FOXP2: variants seen among roughly 807,000 people sequenced by gnomAD.
FOXP2 encodes forkhead box protein P2.
FOXP2 carries 12 observed loss-of-function variants against 115.8 expected under a neutral mutation model. The ratio of observed to expected loss-of-function variants is 0.10; its 90% CI spans 0.07 to 0.17. The LOEUF (loss-of-function observed/expected upper bound fraction) is 0.17. FOXP2 is among the 10% of genes least tolerant of loss of function. The pLI is 1.00. For synonymous variants in FOXP2, 328 were observed against 297.7 expected, an observed-to-expected ratio of 1.10 and a Z score of -1.05; for missense variants, 629 against 843.5, an observed-to-expected ratio of 0.75 and a Z score of 3.15.
chr7:114,519,420 G>A (rs983815819), intron 2 of FOXP2, among the ~76,000 whole-genome samples: 2 of 152,120 alleles, frequency 1.3e-5, no homozygotes, highest in Admixed American at 1.3e-4. Flanking sequence ...CCGAAATTGA[G>A]TTTCTGCCAG....
At chr7:114,365,369 G>T (rs747901707) in intron 2 of FOXP2, among the ~76,000 whole-genome samples, 13 of 152,044 alleles carry the variant, frequency 8.6e-5, no homozygotes, top group African/African-American at 1.2e-4. Context: ...GTAGATTATA[G>T]AATGTACACA....
chr7:114,164,407 C>A (rs1397904928), intron 1 of FOXP2, among the ~76,000 whole-genome samples: 1 of 150,388 alleles, frequency 6.6e-6, no homozygotes, highest in Non-Finnish European at 1.5e-5. Context: ...TACAGTGGTG[C>A]GATCTCGGCT....
chr7:114,683,560 C>T (rs536231268), intron 16 of FOXP2, among the ~76,000 whole-genome samples: 1 of 152,082 alleles, frequency 6.6e-6, no homozygotes, highest in South Asian at 2.1e-4. Flanking sequence ...ATCAGAATGA[C>T]CAAAAAATGC....
At chr7:114,589,680 G>C (rs1802346608) in intron 3 of FOXP2, among the ~76,000 whole-genome samples, 1 of 152,134 alleles carries the variant, frequency 6.6e-6, no homozygotes. Flanking sequence ...TGAGGGTGTG[G>C]GAGGAGTAGG....
intron 2 of FOXP2, among the ~76,000 whole-genome samples, chr7:114,388,701 A>G (rs1366676040): frequency 1.3e-5 from 2 of 152,228 alleles, no homozygotes; most frequent in Non-Finnish European, 2.9e-5. Context: ...AATTTCAGCC[A>G]TGGACAATTA....
At chr7:114,202,097 G>A (rs940960283) in intron 1 of FOXP2, among the ~76,000 whole-genome samples, 2 of 152,194 alleles carry the variant, frequency 1.3e-5, no homozygotes, top group Non-Finnish European at 2.9e-5. Context: ...GAGGGAAGAG[G>A]ATCTGGATGA....
intron 3 of FOXP2, among the ~76,000 whole-genome samples, chr7:114,618,517 G>C (rs779099190): frequency 2.9e-4 from 44 of 152,090 alleles, no homozygotes; most frequent in Non-Finnish European, 5.4e-4. Flanking sequence ...GCTGGGCTGG[G>C]ATTTAACAAG....
chr7:114,378,439 T>A (rs1246490232), intron 2 of FOXP2, among the ~76,000 whole-genome samples: 1 of 151,656 alleles, frequency 6.6e-6, no homozygotes, highest in Non-Finnish European at 1.5e-5. Context: ...ATCTCAGCAT[T>A]TTGGGAGGCT....
chr7:114,628,759 A>T (rs748887235), intron 4 of FOXP2, 82 bp downstream of exon 4: 1 of 1,553,916 alleles, frequency 6.4e-7, no homozygotes, highest in South Asian at 1.1e-5. Flanking sequence ...GGCATATTTG[A>T]CAATTCAGTC....
Position 114,689,849 on chromosome 7 carries a change from A to G in FOXP2, c.2071A>G (p.Thr691Ala). Reference sequence around the variant, plus strand: ...TGAAGACTGCCCAATGTCCTTAGTGACAACAGCTAATCACAGTCCAGAATT... The same window carrying G: ...TGAAGACTGCCCAATGTCCTTAGTGGCAACAGCTAATCACAGTCCAGAATT... Reference protein sequence around the residue: ...EDEDCPMSLVTTANHSPELED... With the variant: ...EDEDCPMSLVATANHSPELED... Residue 691 changes from threonine (T) to alanine (A), a missense_variant, in exon 17 of 17, where the codon ACA (threonine) becomes GCA (alanine). Around this residue, in one of 9 missense-constraint regions of FOXP2, gnomAD observed 117 missense variants for 112.3 expected, o/e 1.04. Transcript: ENST00000350908. The G allele has an allele frequency of 6.2e-7, 1 of 1,613,592 alleles. No individual in the cohort carries two copies. The highest frequency in any genetic ancestry group is 8.5e-7 in the Non-Finnish European group (1 of 1,179,596).
rs141117845 is a variant in FOXP2 at position 114,281,189 on chromosome 7, C to T, written c.-101-6830C>T. Among the ~76,000 whole-genome samples the T allele has an allele frequency of 2.6e-3, 391 of 150,900 alleles. 3 individuals are homozygous for T. The highest frequency in any genetic ancestry group is 9.2e-3 in the African/African-American group (377 of 41,052). On this transcript the variant is annotated intron_variant, in intron 1 of 17. Coordinates refer to the FOXP2 transcript ENST00000634411. ...TAATTTCGGCTCACTGCAACCTCCC[C>T]CTCCCGGGTTTAAGCAATGCTCATG...
intron 1 of FOXP2, among the ~76,000 whole-genome samples, chr7:114,205,826 T>C (rs1794187150): frequency 6.6e-6 from 1 of 152,158 alleles, no homozygotes; most frequent in South Asian, 2.1e-4. Context: ...GATCATTGGA[T>C]GAAGGCTATT....
intron 2 of FOXP2, among the ~76,000 whole-genome samples, chr7:114,397,889 C>G (rs1792782320): frequency 6.6e-6 from 1 of 152,122 alleles, no homozygotes; most frequent in Non-Finnish European, 1.5e-5. Context: ...GAGTGGAGAT[C>G]CAAGTGATCC....
At chr7:114,270,759 T>A (rs1796014793) in intron 1 of FOXP2, among the ~76,000 whole-genome samples, 1 of 152,142 alleles carries the variant, frequency 6.6e-6, no homozygotes, top group African/African-American at 2.4e-5. Flanking sequence ...ATTCTGTGGC[T>A]TATCTTCCCA....
At chr7:114,496,914 A>G (rs767121807) in intron 2 of FOXP2, among the ~76,000 whole-genome samples, 13 of 152,146 alleles carry the variant, frequency 8.5e-5, no homozygotes, top group Non-Finnish European at 1.5e-4. Context: ...AGCTCAGTGG[A>G]CTTACTAAAT....
intron 1 of FOXP2, among the ~76,000 whole-genome samples, chr7:114,222,172 G>C (rs1325152270): frequency 1.3e-5 from 2 of 152,074 alleles, no homozygotes; most frequent in African/African-American, 4.8e-5. Context: ...TTATTTCTTT[G>C]TTCAGACAGG....
At chr7:114,157,368 T>G (rs1230349270) in intron 1 of FOXP2, among the ~76,000 whole-genome samples, 1 of 151,766 alleles carries the variant, frequency 6.6e-6, no homozygotes, top group Non-Finnish European at 1.5e-5. Context: ...TTTCATGGAG[T>G]TAATGGTAAT....
At chr7:114,206,779 A>G (rs1794212182) in intron 1 of FOXP2, among the ~76,000 whole-genome samples, 1 of 152,132 alleles carries the variant, frequency 6.6e-6, no homozygotes, top group Admixed American at 6.5e-5. Flanking sequence ...TACCTGTTTG[A>G]CTTATTTTTA....
At position 114,691,558 on chromosome 7, in the gene FOXP2, T is replaced by A. The variant is rs1188243296; in HGVS notation, c.*1632T>A. ...AAACCCCAAAACTATGATAATGAGT[T>A]ATGATGTAGTTGAAAATAGCATAGT... is the stretch of plus-strand genomic sequence containing the variant. On this transcript the variant is annotated 3_prime_UTR_variant, in exon 17 of 17. Transcript: ENST00000350908. 2.2e-6 allele frequency: 1 copy of A among 454,018 alleles called. No individual in the cohort carries two copies. The highest frequency in any genetic ancestry group is 1.6e-5 in the South Asian group (1 of 64,470). 28.1% of individuals were successfully genotyped at this position (454,018 alleles called of 1,614,324 possible).
Sources: gnomAD v4.1 joint callset for allele counts (sites outside exome capture counted in the v4.1 genomes callset) on GRCh38, gnomAD v4.1.1 for gene constraint, gnomAD v4.1.1 regional missense constraint, MANE v1.5 for transcripts, NCBI Gene and HGNC (gene_info 2026-07-23, HGNC 2026-07-21) for gene names.